Variants in MYLK observed in about 807,000 individuals in gnomAD.
The protein encoded by MYLK is myosin light chain kinase.
Under a neutral mutation model 203.4 loss-of-function variants are expected in MYLK, and 106 were observed. The observed-to-expected ratio is 0.52, with a 90% CI of 0.45 to 0.61. The LOEUF (loss-of-function observed/expected upper bound fraction) is 0.61, where lower values mean the gene tolerates loss of function less well. Ranked by LOEUF, MYLK falls within the 20% of genes least tolerant of loss-of-function variation. MYLK has a pLI of 0.00. For synonymous variants in MYLK, 867 were observed against 959.5 expected, an observed-to-expected ratio of 0.90 and a Z score of 1.78; for missense variants, 2,072 against 2,442.3, an observed-to-expected ratio of 0.85 and a Z score of 3.20.
At chr3:123,868,441 A>G (rs2032494012) in intron 2 of MYLK, among the ~76,000 whole-genome samples, 1 of 152,206 alleles carries the variant, frequency 6.6e-6, no homozygotes, top group Admixed American at 6.5e-5. Flanking sequence ...ATAATACCCA[A>G]CATTTTCTGA....
At chr3:123,763,890 T>A (rs1488039001) in intron 4 of MYLK, among the ~76,000 whole-genome samples, 1 of 152,216 alleles carries the variant, frequency 6.6e-6, no homozygotes, top group Non-Finnish European at 1.5e-5. Flanking sequence ...GAATTCTCTC[T>A]CTACTGTTTT....
At chr3:123,759,054 G>A (rs1024995275) in intron 4 of MYLK, among the ~76,000 whole-genome samples, 3 of 152,090 alleles carry the variant, frequency 2.0e-5, no homozygotes, top group Non-Finnish European at 4.4e-5. Flanking sequence ...TGAACTTCTG[G>A]TCTCAAAAGA....
intron 18 of MYLK, among the ~76,000 whole-genome samples, chr3:123,699,730 G>T (rs1415198026): frequency 6.6e-6 from 1 of 152,228 alleles, no homozygotes; most frequent in Non-Finnish European, 1.5e-5. Context: ...GCCATGAGAG[G>T]GCTCTGCCAG....
chr3:123,799,252 T>C lies in MYLK; in HGVS notation c.-3-5408A>G, dbSNP rs982560168. ...CTAAATGAGGCTTTCACAAGTAACA[T>C]AATTTATTAACTATTTGAAGCAGCA... On this transcript the variant is annotated intron_variant, in intron 3 of 33. Transcript: ENST00000360304. Among the ~76,000 whole-genome samples, 4 of 134,538 alleles carry C rather than the reference T, an allele frequency of 3.0e-5. No individual in the cohort carries two copies. In the Admixed American group the frequency reaches 3.3e-4, roughly 11 times the overall value. The allele number at this position is 134,538 out of a possible 152,430, so 88.3% of individuals were successfully genotyped here. A position where few individuals can be genotyped will look rare whatever the true frequency, so the allele number is the denominator to read the frequency against.
chr3:123,626,979 G>C, intron 30 of MYLK, 38 bp from the exon 31 acceptor site: 1 of 1,613,172 alleles, frequency 6.2e-7, no homozygotes, highest in Non-Finnish European at 8.5e-7. Context: ...TTGAGCAGGA[G>C]GAGACCTCAG....
At position 123,883,421 on chromosome 3, in the gene MYLK, C is replaced by A. The variant is rs190109516; in HGVS notation, c.-186+785G>T. ...GCTACGAAATAGAAAGTGCCCCGCA[C>A]CCCAACACACACACCCCAATCTAAA... On this transcript the variant is annotated intron_variant, in intron 1 of 33. Coordinates refer to ENST00000360304, the MANE Select transcript of MYLK (RefSeq NM_053025.4). 2.9e-3 allele frequency among the ~76,000 whole-genome samples: 449 copies of A among 152,226 alleles called. 2 individuals are homozygous for A. Among genetic ancestry groups the A allele is most frequent in the Admixed American group, 9.5e-3 (146 of 15,288 alleles).
chr3:123,734,235 GA>G lies in MYLK; in HGVS notation c.774-14del. On this transcript the variant is annotated splice_polypyrimidine_tract_variant and intron_variant, in intron 9 of 33. Transcript: ENST00000360304. ...TCTCACAAATGACCTGTGTGGTGGT[GA>G]GGGTGGGGGTAGGGTGGGTGAGGAG... 1 of 1,396,668 alleles carries G rather than the reference GA, an allele frequency of 7.2e-7. No individual in the cohort carries two copies. 86.5% of individuals were successfully genotyped at this position (1,396,668 alleles called of 1,614,324 possible). A position where few individuals can be genotyped will look rare whatever the true frequency, so the allele number is the denominator to read the frequency against.
At chr3:123,807,425 T>TC (rs1404266101) in intron 3 of MYLK, among the ~76,000 whole-genome samples, 3 of 138,644 alleles carry the variant, frequency 2.2e-5, no homozygotes, top group Non-Finnish European at 4.7e-5. Context: ...TGAAACTCCA[T>TC]CCCCCCACCA....
At chr3:123,866,747 A>G (rs1314735281) in intron 2 of MYLK, among the ~76,000 whole-genome samples, 1 of 152,082 alleles carries the variant, frequency 6.6e-6, no homozygotes, top group Non-Finnish European at 1.5e-5. Context: ...ACCCAGACAG[A>G]CCTCAGGACA....
intron 27 of MYLK, among the ~76,000 whole-genome samples, chr3:123,646,371 C>CTT (rs1342560581): frequency 6.6e-6 from 1 of 152,188 alleles, no homozygotes; most frequent in Non-Finnish European, 1.5e-5. Context: ...GGAAATTAGA[C>CTT]TTTTCACTGT....
intron 18 of MYLK, among the ~76,000 whole-genome samples, chr3:123,694,814 G>GC (rs1304845290): frequency 2.0e-5 from 3 of 152,218 alleles, no homozygotes; most frequent in Admixed American, 6.5e-5. Flanking sequence ...GCTTGGGGAG[G>GC]CCCCCCTAGC....
At chr3:123,674,756 C>G (rs1228107174) in intron 20 of MYLK, among the ~76,000 whole-genome samples, 1 of 152,252 alleles carries the variant, frequency 6.6e-6, no homozygotes, top group Non-Finnish European at 1.5e-5. Context: ...CTCCTTTGCA[C>G]ATGCTGGGCC....
At chr3:123,814,417 G>A (rs1305399642) in intron 3 of MYLK, among the ~76,000 whole-genome samples, 2 of 152,124 alleles carry the variant, frequency 1.3e-5, no homozygotes, top group South Asian at 2.1e-4. Flanking sequence ...GAACTCACCC[G>A]AGTTCCCTTG....
intron 27 of MYLK, among the ~76,000 whole-genome samples, chr3:123,641,490 A>T (rs1321320163): frequency 6.6e-6 from 1 of 150,892 alleles, no homozygotes. Context: ...TTGAGCTATG[A>T]TCACACAACT....
intron 4 of MYLK, among the ~76,000 whole-genome samples, chr3:123,784,385 T>TC: frequency 6.8e-6 from 1 of 147,986 alleles, no homozygotes; most frequent in East Asian, 2.0e-4. Context: ...TCTTTTTTTT[T>TC]TTTTTTTTTT....
At position 123,657,411 on chromosome 3, in the gene MYLK, C is replaced by T. The variant is rs753543045; in HGVS notation, c.4003G>A (p.Ala1335Thr). The change falls in exon 24 of 34, where the codon GCT becomes ACT. Residue 1335 changes from alanine to threonine, a missense_variant. Physicochemically the swap from Ala to Thr is moderately conservative, Grantham distance 58 (BLOSUM62 0). Coordinates refer to ENST00000360304, the MANE Select transcript of MYLK (RefSeq NM_053025.4). ...LTVVDKPDPPAGTPCASDIRS... is the reference protein window; with the variant it reads ...LTVVDKPDPPTGTPCASDIRS... ...ATGTCAGAGGCACAAGGTGTGCCAG[C>T]TGGGGGGTCTGGCTTATCTGGGGAT... 2.5e-5 allele frequency: 41 copies of T among 1,613,512 alleles called. No homozygotes were observed. The highest frequency in any genetic ancestry group is 3.4e-5 in the Non-Finnish European group (40 of 1,180,014).
At chr3:123,714,509 T>G (rs1407233220) in intron 13 of MYLK, among the ~76,000 whole-genome samples, 1 of 152,110 alleles carries the variant, frequency 6.6e-6, no homozygotes, top group East Asian at 1.9e-4. Flanking sequence ...CAAGACTTCT[T>G]CGTCTTGGGA....
chr3:123,752,676 A>G, intron 4 of MYLK, 138 bp from the exon 5 acceptor site: 1 of 949,094 alleles, frequency 1.1e-6, no homozygotes, highest in Non-Finnish European at 1.6e-6. Context: ...TTTTACAGAT[A>G]AGGAAATCAA....
At chr3:123,735,187 C>T in intron 9 of MYLK, 2 of 655,400 alleles carry the variant, frequency 3.1e-6, no homozygotes, top group South Asian at 1.7e-5. Context: ...CTGAGTTTTC[C>T]AGTCTCAATA....
Sources: allele counts gnomAD v4.1 joint callset (sites outside exome capture counted in the v4.1 genomes callset), GRCh38; gene constraint gnomAD v4.1.1; transcripts MANE v1.5; gene names NCBI Gene and HGNC (gene_info 2026-07-23, HGNC 2026-07-21).